The following AGO2 variants were observed in gnomAD, a reference collection of about 807,000 sequenced individuals.
The protein encoded by AGO2 is argonaute RISC catalytic component 2, also known as protein argonaute-2.
A neutral mutation model predicts 102.3 loss-of-function variants in AGO2; 5 were observed. The ratio of observed to expected loss-of-function variants is 0.05; its 90% confidence interval spans 0.03 to 0.10. The LOEUF (loss-of-function observed/expected upper bound fraction) is 0.10. Ranked by LOEUF, AGO2 falls within the 10% of genes least tolerant of loss-of-function variation. The pLI, the probability that AGO2 is intolerant of heterozygous loss-of-function variation, is 1.00. For synonymous variants in AGO2, 449 were observed against 473.1 expected, an observed-to-expected ratio of 0.95 and a Z score of 0.66; for missense variants, 541 against 1,183.7, an observed-to-expected ratio of 0.46 and a Z score of 7.97.
At chr8:140,619,927 C>T (rs993228800) in intron 1 of AGO2, among the ~76,000 whole-genome samples, 3 of 152,186 alleles carry the variant, frequency 2.0e-5, no homozygotes, top group African/African-American at 7.2e-5. Flanking sequence ...TGTACACACG[C>T]ATGCTAGTGT....
At chr8:140,599,257 G>A (rs928046070) in intron 1 of AGO2, among the ~76,000 whole-genome samples, 2 of 152,190 alleles carry the variant, frequency 1.3e-5, no homozygotes, top group Non-Finnish European at 2.9e-5. Flanking sequence ...ATGTGGTGGC[G>A]TCGCTGTGGT....
chr8:140,585,976 CT>C (rs1398764815), intron 1 of AGO2, among the ~76,000 whole-genome samples: 10 of 152,136 alleles, frequency 6.6e-5, no homozygotes, highest in Non-Finnish European at 1.5e-4. Context: ...GAATTATTTG[CT>C]TTTTTGTTTG....
chr8:140,559,225 C>G (rs938155568), intron 6 of AGO2, among the ~76,000 whole-genome samples, 170 bp downstream of exon 6: 2 of 152,182 alleles, frequency 1.3e-5, no homozygotes, highest in African/African-American at 4.8e-5. Flanking sequence ...CACTCCCGCT[C>G]TGGGAAATGG....
intron 1 of AGO2, among the ~76,000 whole-genome samples, chr8:140,607,770 G>C (rs2074023216): frequency 6.6e-6 from 1 of 151,960 alleles, no homozygotes; most frequent in Non-Finnish European, 1.5e-5. Context: ...GTGGCTGCCA[G>C]GGGGTGGGAG....
At position 140,589,490 on chromosome 8, in the gene AGO2, A is replaced by T. The variant is rs1477506167; in HGVS notation, c.23-4179T>A. On this transcript the variant is annotated intron_variant, in intron 1 of 18. Transcript: ENST00000220592. The surrounding 1 kb of genome is among the most constrained non-coding windows in gnomAD (Gnocchi z 4.2). ...GCCGGCCCAGTGCTCAGCACCCATG[A>T]ATCAGGGGATGTAAACGGTTAAACA... is the stretch of plus-strand genomic sequence containing the variant. Among the ~76,000 whole-genome samples, 2 of 152,100 alleles carry T rather than the reference A, an allele frequency of 1.3e-5. No homozygotes were observed. The highest frequency in any genetic ancestry group is 4.8e-5 in the African/African-American group (2 of 41,410).
chr8:140,574,106 G>A (rs2073427211), intron 2 of AGO2, among the ~76,000 whole-genome samples: 1 of 151,968 alleles, frequency 6.6e-6, no homozygotes, highest in Non-Finnish European at 1.5e-5. Flanking sequence ...GGCTCCATGA[G>A]CAGAGATCCA....
Position 140,539,214 on chromosome 8 carries a change from C to A in AGO2, c.2169+106G>T. Reference sequence around the variant, plus strand: ...CTTAGAGGACAGAGTCACCCTAGAGCCTGGGACAGCGGCACTGTGGCCAGC... The same window carrying A: ...CTTAGAGGACAGAGTCACCCTAGAGACTGGGACAGCGGCACTGTGGCCAGC... On this transcript the variant is annotated intron_variant, in intron 16 of 18. Coordinates refer to ENST00000220592, the MANE Select transcript of AGO2 (RefSeq NM_012154.5). The surrounding 1 kb of genome is among the most constrained non-coding windows in gnomAD (Gnocchi z 4.7). 6.8e-7 allele frequency: 1 copy of A among 1,471,296 alleles called. No individual in the cohort carries two copies. The highest frequency in any genetic ancestry group is 9.1e-7 in the Non-Finnish European group (1 of 1,100,788). The allele number at this position is 1,471,296 out of a possible 1,614,324, so 91.1% of individuals were successfully genotyped here. A position where few individuals can be genotyped will look rare whatever the true frequency, so the allele number is the denominator to read the frequency against.
At chr8:140,607,437 CCCCCACCTCTTAAAGAAAAAT>C (rs1564113662) in intron 1 of AGO2, among the ~76,000 whole-genome samples, 16 of 143,740 alleles carry the variant, frequency 1.1e-4, no homozygotes, top group African/African-American at 4.1e-4. Flanking sequence ...CCCCGTCTCA[CCCCCACCTCTTAAAGAAAAAT>C]TATATATATA....
intron 16 of AGO2, among the ~76,000 whole-genome samples, chr8:140,535,954 C>A (rs565888739): frequency 3.9e-5 from 6 of 152,174 alleles, no homozygotes; most frequent in Non-Finnish European, 7.3e-5. Context: ...TGACTGGCTG[C>A]GGACAAGCCA....
intron 17 of AGO2, among the ~76,000 whole-genome samples, chr8:140,533,384 G>A (rs780950072): frequency 3.3e-4 from 37 of 113,440 alleles, no homozygotes; most frequent in South Asian, 5.8e-4. Context: ...GTGAGACTCC[G>A]TCTCCAAAAA....
chr8:140,575,707 G>A (rs2073453851), intron 2 of AGO2, among the ~76,000 whole-genome samples: 1 of 152,016 alleles, frequency 6.6e-6, no homozygotes. Flanking sequence ...AACAGAAGCA[G>A]GAACAAGACA....
intron 17 of AGO2, among the ~76,000 whole-genome samples, chr8:140,534,208 G>A (rs907001749): frequency 6.6e-6 from 1 of 152,230 alleles, no homozygotes; most frequent in Non-Finnish European, 1.5e-5. Flanking sequence ...GTCTCCATGG[G>A]ACTGCTAAGG....
intron 14 of AGO2, chr8:140,541,591 TAAACAAAACA>T (rs137961668): frequency 0.14 from 63,189 of 437,770 alleles, 7,546 homozygotes; most frequent in African/African-American, 0.41. Flanking sequence ...TTACATAGTT[TAAACAAAACA>T]AAACAAAACA....
At chr8:140,636,365 G>T (rs1464941023), upstream of AGO2, 1 of 152,228 alleles carries the variant, frequency 6.6e-6, no homozygotes, top group Non-Finnish European at 1.5e-5. Context: ...TCGGACCGTC[G>T]TGCACCTCCG....
At chr8:140,615,302 A>C (rs980183781) in intron 1 of AGO2, among the ~76,000 whole-genome samples, 3 of 152,234 alleles carry the variant, frequency 2.0e-5, no homozygotes, top group Non-Finnish European at 2.9e-5. Context: ...ACAAAAATGG[A>C]GTGAAATAAT....
chr8:140,629,253 G>A (rs1027068311), intron 1 of AGO2, among the ~76,000 whole-genome samples: 4 of 152,116 alleles, frequency 2.6e-5, no homozygotes, highest in Admixed American at 1.3e-4. Context: ...CCTCGGCTCC[G>A]GCTGTCACTG....
intron 17 of AGO2, 187 bp downstream of exon 17, chr8:140,535,281 C>T: frequency 1.6e-6 from 1 of 612,180 alleles, no homozygotes; most frequent in South Asian, 1.9e-5. Context: ...TCATGCTGAC[C>T]CACCCCCCAG....
intron 10 of AGO2, among the ~76,000 whole-genome samples, chr8:140,554,289 C>T (rs1181556815): frequency 6.6e-6 from 1 of 152,140 alleles, no homozygotes; most frequent in Non-Finnish European, 1.5e-5. Flanking sequence ...CCTCGGGGGA[C>T]AAGCGAGCCA....
intron 13 of AGO2, 101 bp from the exon 14 acceptor site, chr8:140,544,404 G>A (rs1339409873): frequency 3.2e-6 from 3 of 924,476 alleles, no homozygotes; most frequent in Non-Finnish European, 4.9e-6. Context: ...AGTGTATCAT[G>A]GTAATGCTTT....
Sources: allele counts gnomAD v4.1 joint callset (sites outside exome capture counted in the v4.1 genomes callset), GRCh38; gene constraint gnomAD v4.1.1; non-coding constraint Gnocchi (gnomAD v3.1); transcripts MANE v1.5; gene names NCBI Gene and HGNC (gene_info 2026-07-23, HGNC 2026-07-21).